The following TFG variants were observed in gnomAD, a reference collection of about 807,000 sequenced individuals.
TFG encodes protein TFG.
Under a neutral mutation model 51.4 loss-of-function variants are expected in TFG, and 22 were observed. The observed-to-expected ratio is 0.43, with a 90% CI of 0.31 to 0.61. The LOEUF is 0.61. Among genes scored for constraint, TFG ranks in the 20% least tolerant of loss-of-function variants. The pLI is 0.12. For missense variants in TFG, 419 were observed against 487.7 expected (o/e 0.86, Z 1.33); for synonymous variants, 187 against 165.6 (o/e 1.13, Z -0.99).
intron 6 of TFG, chr3:100,743,695 T>C (rs1337704370): frequency 6.6e-6 from 1 of 152,124 alleles, no homozygotes; most frequent in African/African-American, 2.4e-5. Context: ...CTTAGACACG[T>C]ATAGGGCTGA....
chr3:100,721,232 T>A (rs2095059961), intron 3 of TFG, among the ~76,000 whole-genome samples: 1 of 152,176 alleles, frequency 6.6e-6, no homozygotes, highest in African/African-American at 2.4e-5. Context: ...GTTTTCTGAA[T>A]TCTGTAACTC....
intron 3 of TFG, among the ~76,000 whole-genome samples, chr3:100,725,007 C>T (rs2095071098): frequency 6.6e-6 from 1 of 152,308 alleles, no homozygotes; most frequent in East Asian, 1.9e-4. Context: ...GGGCTCACCC[C>T]ATTCTCCCAT....
intron 2 of TFG, among the ~76,000 whole-genome samples, chr3:100,716,490 T>C (rs2095046841): frequency 6.6e-6 from 1 of 152,252 alleles, no homozygotes; most frequent in Non-Finnish European, 1.5e-5. Flanking sequence ...TGAATAGTGC[T>C]GCAGTAAAAT....
chr3:100,729,988 G>A (rs1160787596), intron 4 of TFG, among the ~76,000 whole-genome samples: 2 of 152,096 alleles, frequency 1.3e-5, no homozygotes, highest in Non-Finnish European at 2.9e-5. Flanking sequence ...GTCACTTTAT[G>A]ATGAAACCTT....
intron 6 of TFG, among the ~76,000 whole-genome samples, chr3:100,741,967 A>G (rs2095122404): frequency 6.6e-6 from 1 of 152,088 alleles, no homozygotes; most frequent in African/African-American, 2.4e-5. Context: ...CAGTGACACA[A>G]TTTTCAGAAC....
intron 6 of TFG, among the ~76,000 whole-genome samples, chr3:100,740,105 G>GAA (rs1307370141): frequency 2.6e-5 from 4 of 151,208 alleles, no homozygotes; most frequent in African/African-American, 9.7e-5. Context: ...ATAGCCATTA[G>GAA]AAAAAACTTA....
rs1180461235 is a variant in TFG at position 100,728,731 on chromosome 3, C to T, written c.288C>T (p.Pro96=). The T allele has an allele frequency of 6.2e-7, 1 of 1,606,198 alleles. No individual in the cohort carries two copies. The highest frequency in any genetic ancestry group is 8.5e-7 in the Non-Finnish European group (1 of 1,176,560). The change falls in exon 4 of 8, where the codon CCC becomes CCT. Residue 96 remains proline, a synonymous_variant. Transcript: ENST00000240851. ...LTLFVNGQPR[P]LESSQVKYLR... ...TTTCAGTTAATGGCCAGCCAAGACC[C>T]CTTGAATCAAGTCAGGTGAAATATC...
At chr3:100,737,579 AAAC>A (rs1355061364) in intron 6 of TFG, among the ~76,000 whole-genome samples, 14 of 152,234 alleles carry the variant, frequency 9.2e-5, no homozygotes, top group African/African-American at 2.7e-4. Context: ...ACTTCAAAAC[AAAC>A]ACCAGGTGGT....
intron 7 of TFG, 119 bp downstream of exon 7, chr3:100,745,050 A>C: frequency 2.2e-6 from 1 of 446,304 alleles, no homozygotes; most frequent in Non-Finnish European, 4.0e-6. Flanking sequence ...AGTTTTTATT[A>C]GGGGAAACAA....
chr3:100,718,210 A>G (rs1284069709), intron 2 of TFG, among the ~76,000 whole-genome samples: 1 of 152,202 alleles, frequency 6.6e-6, no homozygotes, highest in Non-Finnish European at 1.5e-5. Flanking sequence ...TACAGGCATG[A>G]GCCAGTGTGC....
At chr3:100,713,907 TAAAAAA>T (rs374210483) in intron 2 of TFG, 38 bp downstream of exon 2, 1 of 898,906 alleles carries the variant, frequency 1.1e-6, no homozygotes. Context: ...AAAGTCTTTT[TAAAAAA>T]AAAAAAAAAA....
At chr3:100,717,694 A>G (rs555229713) in intron 2 of TFG, among the ~76,000 whole-genome samples, 10 of 145,540 alleles carry the variant, frequency 6.9e-5, no homozygotes, top group African/African-American at 2.6e-4. Flanking sequence ...TTTTTATTGT[A>G]TGTGTATAGA....
intron 5 of TFG, among the ~76,000 whole-genome samples, chr3:100,733,238 T>C (rs917370719): frequency 7.9e-5 from 12 of 152,198 alleles, no homozygotes; most frequent in Admixed American, 2.0e-4. Flanking sequence ...TAATAACACA[T>C]ACATTGGAGA....
At chr3:100,738,603 C>G (rs1052300208) in intron 6 of TFG, among the ~76,000 whole-genome samples, 1 of 152,140 alleles carries the variant, frequency 6.6e-6, no homozygotes, top group Non-Finnish European at 1.5e-5. Context: ...CAACCAAATT[C>G]CTTTTTTCAG....
At chr3:100,744,975 C>T (rs1443155534) in intron 7 of TFG, 44 bp downstream of exon 7, 1 of 1,274,934 alleles carries the variant, frequency 7.8e-7, no homozygotes, top group Non-Finnish European at 1.1e-6. Flanking sequence ...TTTTTTGTTT[C>T]TATACTCATT....
At chr3:100,721,922 G>A (rs903686777) in intron 3 of TFG, among the ~76,000 whole-genome samples, 12 of 152,352 alleles carry the variant, frequency 7.9e-5, no homozygotes, top group South Asian at 4.1e-4. Context: ...AGGCCAAGGC[G>A]GGCGGATTGC....
chr3:100,715,307 A>G (rs72919433), intron 2 of TFG, among the ~76,000 whole-genome samples: 4,535 of 152,320 alleles, frequency 0.03, 185 homozygotes, highest in African/African-American at 0.092. Flanking sequence ...GACATTGGCA[A>G]GCAGATGAGT....
At chr3:100,716,224 C>G (rs1386722527) in intron 2 of TFG, among the ~76,000 whole-genome samples, 1 of 152,160 alleles carries the variant, frequency 6.6e-6, no homozygotes, top group Non-Finnish European at 1.5e-5. Context: ...TTTTCCCCTA[C>G]CCTTTGCAGC....
At chr3:100,716,191 TAATA>T (rs1288939677) in intron 2 of TFG, among the ~76,000 whole-genome samples, 1 of 152,182 alleles carries the variant, frequency 6.6e-6, no homozygotes, top group Non-Finnish European at 1.5e-5. Context: ...TTGTGTCTTT[TAATA>T]AATCTCTCCC....
Sources: gnomAD v4.1 joint callset for allele counts (sites outside exome capture counted in the v4.1 genomes callset) on GRCh38, gnomAD v4.1.1 for gene constraint, MANE v1.5 for transcripts, NCBI Gene and HGNC (gene_info 2026-07-23, HGNC 2026-07-21) for gene names.